KIAA1671: variants seen among roughly 807,000 people sequenced by gnomAD.
KIAA1671 encodes the protein KIAA1671.
Under a neutral mutation model 131.2 loss-of-function variants are expected in KIAA1671, and 52 were observed. The ratio of observed to expected loss-of-function variants is 0.40; its 90% CI spans 0.32 to 0.50. The LOEUF (loss-of-function observed/expected upper bound fraction) is 0.50, where lower values mean the gene tolerates loss of function less well. Ranked by LOEUF, KIAA1671 falls within the 20% of genes least tolerant of loss-of-function variation. KIAA1671 has a pLI of 0.73. For synonymous variants in KIAA1671, 1,003 were observed against 961.6 expected (o/e 1.04, Z -0.80); for missense variants, 2,360 against 2,364.2 (o/e 1.00, Z 0.04).
intron 1 of KIAA1671, among the ~76,000 whole-genome samples, chr22:24,967,821 T>A (rs958485611): frequency 3.9e-5 from 6 of 152,050 alleles, no homozygotes; most frequent in Non-Finnish European, 8.8e-5. Flanking sequence ...TGAAACCCTG[T>A]CTCTACTAAA....
chr22:25,033,628 G>T (rs1282207674), intron 4 of KIAA1671, among the ~76,000 whole-genome samples: 4 of 133,522 alleles, frequency 3.0e-5, no homozygotes, highest in African/African-American at 1.2e-4. Context: ...GCTCAGGCTG[G>T]AGTGCAGTGA....
chr22:25,082,255 C>T (rs1165008915), intron 6 of KIAA1671, among the ~76,000 whole-genome samples: 3 of 152,158 alleles, frequency 2.0e-5, no homozygotes, highest in Non-Finnish European at 2.9e-5. Flanking sequence ...ATTAACTTAT[C>T]TCATAGTTGG....
intron 1 of KIAA1671, among the ~76,000 whole-genome samples, chr22:24,995,343 C>T (rs1176523939): frequency 4.9e-5 from 7 of 143,236 alleles, no homozygotes; most frequent in Admixed American, 1.4e-4. Flanking sequence ...TGAGCCACTG[C>T]GCCCGGCCAA....
chr22:24,967,817 C>G (rs922049142), intron 1 of KIAA1671, among the ~76,000 whole-genome samples: 30 of 152,118 alleles, frequency 2.0e-4, no homozygotes, highest in African/African-American at 7.0e-4. Context: ...ACGGTGAAAC[C>G]CTGTCTCTAC....
intron 6 of KIAA1671, among the ~76,000 whole-genome samples, chr22:25,119,812 G>T (rs753788843): frequency 6.6e-6 from 1 of 152,198 alleles, no homozygotes; most frequent in Non-Finnish European, 1.5e-5. Context: ...GTTCGTGCCT[G>T]GTGTGTTTGA....
chr22:25,136,382 G>A (rs1174155604), intron 6 of KIAA1671, among the ~76,000 whole-genome samples: 1 of 152,178 alleles, frequency 6.6e-6, no homozygotes, highest in African/African-American at 2.4e-5. Context: ...TTGAACCCAG[G>A]TGTGGCTGAT....
chr22:24,960,689 T>G (rs1602027434), intron 1 of KIAA1671, among the ~76,000 whole-genome samples: 1 of 110,700 alleles, frequency 9.0e-6, no homozygotes, highest in Admixed American at 1.4e-4. Flanking sequence ...TATGACCGAG[T>G]GCCGCAGTTA....
intron 1 of KIAA1671, among the ~76,000 whole-genome samples, chr22:24,973,389 G>GTT (rs57519039): frequency 0.018 from 1,268 of 71,618 alleles, 272 homozygotes; most frequent in Non-Finnish European, 0.02. Context: ...GCATATGATG[G>GTT]TTTTTTTTTT....
intron 6 of KIAA1671, chr22:25,059,784 A>G (rs1294016395): frequency 1.3e-5 from 2 of 152,120 alleles, no homozygotes; most frequent in Non-Finnish European, 2.9e-5. Context: ...CCTCCCATGT[A>G]GTTCCTGGGA....
Position 25,028,884 on chromosome 22 carries a change from GGCCTTGCTGAGGAAGGTGGCCGAT to G in KIAA1671, c.887_910del (p.Ala296_Asp303del). 6.4e-7 allele frequency: 1 copy of G among 1,551,496 alleles called. No individual in the cohort carries two copies. The highest frequency in any genetic ancestry group is 2.0e-5 in the Admixed American group (1 of 50,990). On this transcript the variant is annotated inframe_deletion, in exon 3 of 13. Transcript: ENST00000358431. ...TCACGGCCCGGTTTGAGAACAAAGA[GGCCTTGCTGAGGAAGGTGGCCGAT>G]GAAGGAAGTGGACCCACAGCAGGGG...
At chr22:24,993,730 CATA>C (rs1923963586) in intron 1 of KIAA1671, among the ~76,000 whole-genome samples, 1 of 152,174 alleles carries the variant, frequency 6.6e-6, no homozygotes, top group Admixed American at 6.6e-5. Context: ...GAGTATGGCA[CATA>C]ATAGGTCAAT....
chr22:25,130,228 G>A (rs541219300), intron 6 of KIAA1671, among the ~76,000 whole-genome samples: 38 of 152,274 alleles, frequency 2.5e-4, no homozygotes, highest in African/African-American at 8.4e-4. Context: ...TATCATAAAG[G>A]TATAGCTTGA....
intron 6 of KIAA1671, among the ~76,000 whole-genome samples, chr22:25,093,800 C>CTCTCTCTG (rs1930223545): frequency 1.5e-5 from 2 of 131,716 alleles, no homozygotes; most frequent in African/African-American, 2.9e-5. Flanking sequence ...CTCTCTCTCT[C>CTCTCTCTG]TCTCTCTCTC....
chr22:25,104,767 C>T (rs1004090127), intron 6 of KIAA1671, among the ~76,000 whole-genome samples: 2 of 151,300 alleles, frequency 1.3e-5, no homozygotes, highest in African/African-American at 2.4e-5. Flanking sequence ...CTATTTCTTT[C>T]TTCCACCAGA....
chr22:25,020,647 G>A (rs1288605868), intron 1 of KIAA1671, among the ~76,000 whole-genome samples: 3 of 152,164 alleles, frequency 2.0e-5, no homozygotes, highest in Non-Finnish European at 2.9e-5. Flanking sequence ...TTGCAGCACA[G>A]AGGAGCACCT....
intron 1 of KIAA1671, among the ~76,000 whole-genome samples, chr22:24,963,130 G>A (rs1291111078): frequency 1.3e-5 from 2 of 152,006 alleles, no homozygotes; most frequent in Non-Finnish European, 2.9e-5. Flanking sequence ...TTGGGAGGCC[G>A]AGGCGGGCGG....
chr22:25,187,767 G>A lies in KIAA1671; in HGVS notation c.5342+2648G>A, dbSNP rs764372170. Among the ~76,000 whole-genome samples, 109 of 152,116 alleles carry A rather than the reference G, an allele frequency of 7.2e-4. 5 individuals carry two copies. The highest frequency in any genetic ancestry group is 3.3e-4 in the Admixed American group (5 of 15,274). On this transcript the variant is annotated intron_variant, in intron 11 of 12. Coordinates refer to ENST00000358431, the MANE Select transcript of KIAA1671 (RefSeq NM_001145206.2). The stretch of plus-strand genomic sequence containing the variant: ...TGATCCTCTGCCTCCCAAAGTGCTA[G>A]GATTACAGGCATGAGCTACCGTGCC...
intron 1 of KIAA1671, among the ~76,000 whole-genome samples, chr22:24,964,292 G>A (rs754732142): frequency 6.6e-6 from 1 of 151,798 alleles, no homozygotes; most frequent in Non-Finnish European, 1.5e-5. Flanking sequence ...TTGTGCTATT[G>A]TACTACAGCC....
At chr22:25,110,645 C>G (rs1424945533) in intron 6 of KIAA1671, among the ~76,000 whole-genome samples, 2 of 152,192 alleles carry the variant, frequency 1.3e-5, no homozygotes, top group African/African-American at 4.8e-5. Flanking sequence ...TCTAACAACC[C>G]CTGACATGTT....
Sources: gnomAD v4.1 joint callset for allele counts (sites outside exome capture counted in the v4.1 genomes callset) on GRCh38, gnomAD v4.1.1 for gene constraint, MANE v1.5 for transcripts, NCBI Gene and HGNC (gene_info 2026-07-23, HGNC 2026-07-21) for gene names.